SORCS3: variants seen among roughly 807,000 people sequenced by gnomAD.
SORCS3 encodes VPS10 domain-containing receptor SorCS3.
Under a neutral mutation model 146.3 loss-of-function variants are expected in SORCS3, and 57 were observed. The ratio of observed to expected loss-of-function variants is 0.39; its 90% CI spans 0.31 to 0.49. The LOEUF (loss-of-function observed/expected upper bound fraction) is 0.49, where lower values mean the gene tolerates loss of function less well. Among genes scored for constraint, SORCS3 ranks in the 20% least tolerant of loss-of-function variants. The pLI is 0.92. For missense variants in SORCS3, 1,341 were observed against 1,575.5 expected (o/e 0.85, Z 2.52); for synonymous variants, 653 against 618.5 (o/e 1.06, Z -0.83).
At chr10:104,812,998 G>A (rs2017756829) in intron 1 of SORCS3, among the ~76,000 whole-genome samples, 1 of 151,760 alleles carries the variant, frequency 6.6e-6, no homozygotes, top group African/African-American at 2.4e-5. Flanking sequence ...CAAAACACAG[G>A]GCCTTGGTCT....
intron 2 of SORCS3, among the ~76,000 whole-genome samples, chr10:104,864,709 C>T (rs2018441691): frequency 6.6e-6 from 1 of 152,028 alleles, no homozygotes; most frequent in Admixed American, 6.6e-5. Flanking sequence ...GGTGAATATA[C>T]CAAGTTTATA....
At chr10:104,974,164 T>C (rs554214517) in intron 3 of SORCS3, among the ~76,000 whole-genome samples, 1 of 152,284 alleles carries the variant, frequency 6.6e-6, no homozygotes, top group South Asian at 2.1e-4. Flanking sequence ...GAAAAGAATG[T>C]ATATTTTTTG....
At chr10:105,125,064 C>G (rs934258651) in intron 7 of SORCS3, among the ~76,000 whole-genome samples, 1 of 152,114 alleles carries the variant, frequency 6.6e-6, no homozygotes, top group Non-Finnish European at 1.5e-5. Flanking sequence ...TCTTTGTCTA[C>G]GGACGGGGTC....
At chr10:104,834,974 A>G (rs1199521076) in intron 1 of SORCS3, among the ~76,000 whole-genome samples, 3 of 152,080 alleles carry the variant, frequency 2.0e-5, no homozygotes, top group Non-Finnish European at 4.4e-5. Context: ...AAAACAGAGA[A>G]AGGGGTTAAC....
At chr10:105,204,785 G>C (rs1324328864) in intron 16 of SORCS3, among the ~76,000 whole-genome samples, 2 of 151,848 alleles carry the variant, frequency 1.3e-5, no homozygotes, top group Admixed American at 6.6e-5. Context: ...TGAAATTTCT[G>C]AATTATTTAC....
At chr10:104,673,448 A>AT (rs1720487604) in intron 1 of SORCS3, among the ~76,000 whole-genome samples, 1 of 131,686 alleles carries the variant, frequency 7.6e-6, no homozygotes, top group African/African-American at 3.0e-5. Context: ...GTGTGTGTGT[A>AT]TTTTTTGATG....
intron 1 of SORCS3, among the ~76,000 whole-genome samples, chr10:104,799,778 C>G (rs2017603211): frequency 6.6e-6 from 1 of 151,992 alleles, no homozygotes; most frequent in Non-Finnish European, 1.5e-5. Context: ...CGGGTTCACG[C>G]TATTCTCCTG....
chr10:104,956,924 C>G lies in SORCS3; in HGVS notation c.796-20411C>G, dbSNP rs146795747. Among the ~76,000 whole-genome samples, 414 of 152,248 alleles carry G rather than the reference C, an allele frequency of 2.7e-3. 4 individuals carry two copies. The highest frequency in any genetic ancestry group is 0.024 in the Middle Eastern group (7 of 294). ...TACCCTGGAGCTATAGTGAGTGTGG[C>G]TGGGATCCGATGACACAGCTCTGGT... On this transcript the variant is annotated intron_variant, in intron 3 of 26. Transcript: ENST00000369701.
At chr10:105,121,231 G>T (rs1005009285) in intron 7 of SORCS3, among the ~76,000 whole-genome samples, 2 of 152,180 alleles carry the variant, frequency 1.3e-5, no homozygotes, top group South Asian at 4.1e-4. Flanking sequence ...AAGAATTGTT[G>T]TTATAGTGGA....
At chr10:104,923,629 T>C (rs1305500121) in intron 3 of SORCS3, among the ~76,000 whole-genome samples, 1 of 152,220 alleles carries the variant, frequency 6.6e-6, no homozygotes, top group Admixed American at 6.5e-5. Context: ...CTGCCTGTTC[T>C]GGTAACCCAG....
chr10:104,641,990 C>T lies in SORCS3; in HGVS notation c.627+36C>T, dbSNP rs565979632. 190 of 1,341,158 alleles carry T rather than the reference C, an allele frequency of 1.4e-4. 3 individuals are homozygous for T. The South Asian group carries it at 2.2e-3, about 16-fold the overall frequency. 83.1% of individuals were successfully genotyped at this position (1,341,158 alleles called of 1,614,324 possible). A position where few individuals can be genotyped will look rare whatever the true frequency, so the allele number is the denominator to read the frequency against. On this transcript the variant is annotated intron_variant, in intron 1 of 26. Coordinates refer to ENST00000369701, the MANE Select transcript of SORCS3 (RefSeq NM_014978.3). This position sits in a 1 kb window ranked among gnomAD's most constrained non-coding sequence, Gnocchi z 6.4. ...ACCCGGCGGCGGGTCCGCCTGTTTC[C>T]TGACACCGAAGGGGAATGGGGGGGT...
At chr10:105,239,991 T>C (rs929681476) in intron 20 of SORCS3, among the ~76,000 whole-genome samples, 1 of 152,206 alleles carries the variant, frequency 6.6e-6, no homozygotes, top group Non-Finnish European at 1.5e-5. Context: ...AGTCTGTGGC[T>C]TGCCACCTGG....
intron 2 of SORCS3, among the ~76,000 whole-genome samples, chr10:104,883,043 A>G (rs1174105678): frequency 3.9e-5 from 6 of 152,180 alleles, no homozygotes; most frequent in Middle Eastern, 3.2e-3. Context: ...CTGCCAGTCA[A>G]TTCTCAACAG....
intron 4 of SORCS3, among the ~76,000 whole-genome samples, chr10:105,004,295 A>G (rs903015120): frequency 1.3e-5 from 2 of 152,170 alleles, no homozygotes; most frequent in Non-Finnish European, 2.9e-5. Context: ...AATTTCAGTA[A>G]GAACTGAGTG....
chr10:105,160,831 TC>T (rs1256622949), intron 11 of SORCS3, among the ~76,000 whole-genome samples: 1 of 152,208 alleles, frequency 6.6e-6, no homozygotes, highest in Non-Finnish European at 1.5e-5. Flanking sequence ...AAACTTGTCC[TC>T]CTGCTTTCCA....
intron 13 of SORCS3, among the ~76,000 whole-genome samples, chr10:105,174,241 T>C (rs1444017107): frequency 1.3e-5 from 2 of 152,152 alleles, no homozygotes; most frequent in African/African-American, 4.8e-5. Flanking sequence ...TTTACTTCTG[T>C]CTCCCTGAGT....
intron 1 of SORCS3, among the ~76,000 whole-genome samples, chr10:104,741,835 A>G (rs992888828): frequency 6.9e-6 from 1 of 144,308 alleles, no homozygotes; most frequent in Non-Finnish European, 1.5e-5. Flanking sequence ...AAGACTTTCT[A>G]TTTTTTCATG....
intron 1 of SORCS3, among the ~76,000 whole-genome samples, chr10:104,829,856 G>T (rs2017981118): frequency 6.6e-6 from 1 of 152,038 alleles, no homozygotes; most frequent in Admixed American, 6.6e-5. Context: ...AGCCTGTTCT[G>T]TGTCAGCCAG....
chr10:104,727,494 C>A (rs2016650442), intron 1 of SORCS3, among the ~76,000 whole-genome samples: 1 of 150,758 alleles, frequency 6.6e-6, no homozygotes, highest in Non-Finnish European at 1.5e-5. Context: ...AAACTTGGAT[C>A]TTATAGTACA....
Sources: allele counts gnomAD v4.1 joint callset (sites outside exome capture counted in the v4.1 genomes callset), GRCh38; gene constraint gnomAD v4.1.1; non-coding constraint Gnocchi (gnomAD v3.1); transcripts MANE v1.5; gene names NCBI Gene and HGNC (gene_info 2026-07-23, HGNC 2026-07-21).